PAK1: variants seen among roughly 807,000 people sequenced by gnomAD.
PAK1 encodes serine/threonine-protein kinase PAK 1.
A neutral mutation model predicts 67.4 loss-of-function variants in PAK1; 29 were observed. The observed-to-expected ratio is 0.43, with a 90% CI of 0.32 to 0.59. The LOEUF (loss-of-function observed/expected upper bound fraction) is 0.59, where lower values mean the gene tolerates loss of function less well. PAK1 is among the 20% of genes least tolerant of loss of function. The pLI is 0.07. For missense variants in PAK1, 337 were observed against 670.7 expected (o/e 0.50, Z 5.50); for synonymous variants, 223 against 237.4 (o/e 0.94, Z 0.56).
At chr11:77,365,244 T>A (rs1255879143) in intron 5 of PAK1, among the ~76,000 whole-genome samples, 1 of 114,942 alleles carries the variant, frequency 8.7e-6, no homozygotes, top group African/African-American at 3.5e-5. Context: ...AGAGCAAGAC[T>A]CTGTCTCAAA....
At chr11:77,501,691 GGT>G in the PAK1 span, among the ~76,000 whole-genome samples, 1 of 152,144 alleles carries the variant, frequency 6.6e-6, no homozygotes, top group Admixed American at 6.5e-5. Flanking sequence ...TATTGCTCCT[GGT>G]GTCTTTGCCA....
chr11:77,411,122 A>T (rs961879950), intron 1 of PAK1, among the ~76,000 whole-genome samples: 14 of 152,050 alleles, frequency 9.2e-5, no homozygotes, highest in African/African-American at 2.9e-4. Context: ...AACCACCAAG[A>T]TGCCATTCAA....
intron 5 of PAK1, among the ~76,000 whole-genome samples, chr11:77,369,559 T>C (rs538321528): frequency 1.4e-3 from 217 of 149,854 alleles, no homozygotes; most frequent in African/African-American, 5.0e-3. Flanking sequence ...GTGATTATCC[T>C]GCCTCAGCCT....
chr11:77,447,355 A>G (rs1327231091), intron 1 of PAK1, among the ~76,000 whole-genome samples: 1 of 145,846 alleles, frequency 6.9e-6, no homozygotes, highest in Non-Finnish European at 1.6e-5. Context: ...AGCACCTAAC[A>G]AAAATAGGAC....
intron 4 of PAK1, among the ~76,000 whole-genome samples, chr11:77,378,104 T>G (rs1041330876): frequency 3.3e-5 from 5 of 152,206 alleles, no homozygotes; most frequent in African/African-American, 1.2e-4. Context: ...GTTCTCACCT[T>G]CCCAACAATA....
At chr11:77,399,927 A>T (rs1952435481) in intron 1 of PAK1, among the ~76,000 whole-genome samples, 1 of 151,154 alleles carries the variant, frequency 6.6e-6, no homozygotes, top group Non-Finnish European at 1.5e-5. Context: ...ATACATGTCA[A>T]TATATAATGG....
chr11:77,367,774 C>T (rs924563404), intron 5 of PAK1, among the ~76,000 whole-genome samples: 3 of 152,086 alleles, frequency 2.0e-5, no homozygotes, highest in African/African-American at 4.8e-5. Flanking sequence ...CTCAGGAGAT[C>T]GAAATCATCC....
intron 5 of PAK1, among the ~76,000 whole-genome samples, chr11:77,361,793 T>C (rs999496414): frequency 2.0e-5 from 3 of 152,140 alleles, no homozygotes; most frequent in Non-Finnish European, 4.4e-5. Flanking sequence ...GAGTACCAAA[T>C]TTATTACTTC....
the PAK1 span, among the ~76,000 whole-genome samples, chr11:77,500,403 G>T: frequency 6.6e-6 from 1 of 152,018 alleles, no homozygotes; most frequent in Non-Finnish European, 1.5e-5. Flanking sequence ...GGCAGCGAAG[G>T]TTGCAGTGAG....
chr11:77,456,656 C>T (rs759490255), intron 1 of PAK1, among the ~76,000 whole-genome samples: 7 of 152,260 alleles, frequency 4.6e-5, no homozygotes, highest in East Asian at 3.9e-4. Context: ...TTCTTATGTG[C>T]CAAAATTTGC....
intron 11 of PAK1, among the ~76,000 whole-genome samples, chr11:77,339,812 A>T (rs1445788934): frequency 6.6e-6 from 1 of 151,522 alleles, no homozygotes; most frequent in Non-Finnish European, 1.5e-5. Flanking sequence ...TGCAAAAGCA[A>T]TTGTGGTTTT....
chr11:77,407,447 T>C (rs1422834802), intron 1 of PAK1, among the ~76,000 whole-genome samples: 3 of 152,210 alleles, frequency 2.0e-5, no homozygotes, highest in African/African-American at 7.2e-5. Flanking sequence ...CTAGTAAATC[T>C]TGGTGTCTAT....
chr11:77,440,708 G>C (rs1282627474), intron 1 of PAK1, among the ~76,000 whole-genome samples: 1 of 152,194 alleles, frequency 6.6e-6, no homozygotes, highest in South Asian at 2.1e-4. Context: ...GATGATTAGA[G>C]ATAAGCTTCA....
At chr11:77,490,634 A>G in the PAK1 span, among the ~76,000 whole-genome samples, 1 of 152,198 alleles carries the variant, frequency 6.6e-6, no homozygotes, top group African/African-American at 2.4e-5. Context: ...GGTGTGCCCA[A>G]CAGCTCATTG....
At chr11:77,401,821 A>G (rs2041326571) in intron 1 of PAK1, among the ~76,000 whole-genome samples, 1 of 152,234 alleles carries the variant, frequency 6.6e-6, no homozygotes, top group African/African-American at 2.4e-5. Flanking sequence ...ACTTCTATGC[A>G]ACAATTTCCA....
the PAK1 span, among the ~76,000 whole-genome samples, chr11:77,492,358 CAAA>C: frequency 7.1e-6 from 1 of 140,514 alleles, no homozygotes; most frequent in South Asian, 2.2e-4. Flanking sequence ...AAAACAACAA[CAAA>C]AAAAAAAACT....
chr11:77,509,114 T>C, the PAK1 span, among the ~76,000 whole-genome samples: 2 of 151,244 alleles, frequency 1.3e-5, no homozygotes, highest in Admixed American at 6.6e-5. Context: ...AAAAATTAGC[T>C]GGGTGCAGTG....
chr11:77,425,982 T>C (rs753419631), intron 1 of PAK1, among the ~76,000 whole-genome samples: 7 of 151,780 alleles, frequency 4.6e-5, no homozygotes, highest in Non-Finnish European at 7.4e-5. Flanking sequence ...TACTCCTGGG[T>C]TCAAGGAATC....
At chr11:77,523,562 G>A in the PAK1 span, among the ~76,000 whole-genome samples, 1 of 151,874 alleles carries the variant, frequency 6.6e-6, no homozygotes, top group South Asian at 2.1e-4. Context: ...TGGGACTACA[G>A]GCACACGCCA....
Sources: allele counts gnomAD v4.1 joint callset (sites outside exome capture counted in the v4.1 genomes callset), GRCh38; gene constraint gnomAD v4.1.1; transcripts MANE v1.5; gene names NCBI Gene and HGNC (gene_info 2026-07-23, HGNC 2026-07-21).